Variants in MINAR1 observed in about 807,000 individuals in gnomAD.
MINAR1 encodes major intrinsically disordered Notch2-binding receptor 1.
Under a neutral mutation model 65.1 loss-of-function variants are expected in MINAR1, and 40 were observed. The observed-to-expected ratio is 0.61, with a 90% confidence interval of 0.48 to 0.80. The LOEUF (loss-of-function observed/expected upper bound fraction) is 0.80, where lower values mean the gene tolerates loss of function less well. MINAR1 is among the 30% of genes least tolerant of loss of function. The pLI is 0.00. For missense variants in MINAR1, 1,128 were observed against 1,148.0 expected (o/e 0.98, Z 0.25); for synonymous variants, 482 against 449.1 (o/e 1.07, Z -0.93).
At chr15:79,454,406 G>A (rs138473395) in intron 1 of MINAR1, among the ~76,000 whole-genome samples, 296 of 152,260 alleles carry the variant, frequency 1.9e-3, no homozygotes, top group Admixed American at 3.9e-3. Flanking sequence ...TTAGAAAATG[G>A]GTTGGGTACA....
intron 1 of MINAR1, among the ~76,000 whole-genome samples, chr15:79,451,636 GCTC>G (rs147809238): frequency 0.27 from 41,421 of 151,994 alleles, 6,306 homozygotes; most frequent in East Asian, 0.56. Flanking sequence ...CTGCTCACCG[GCTC>G]CTCCTCCTGC....
chr15:79,416,810 C>G, the MINAR1 span: 1 of 152,114 alleles, frequency 6.6e-6, no homozygotes, highest in Non-Finnish European at 1.5e-5. Flanking sequence ...GCAAGAATAC[C>G]CAGTCTCTAG....
rs149134985 is a variant in MINAR1, at chr15:79,453,037, C to G, written c.-50-3061C>G. Among the ~76,000 whole-genome samples the G allele has an allele frequency of 2.6e-3, 375 of 144,884 alleles. 1 individual carries two copies. The highest frequency in any genetic ancestry group is 8.8e-3 in the African/African-American group (359 of 40,824). ...CAGTTTGCTCAGCCCCCAGAGATTCCAGGCGGCTATTTCTGCCTTGCTCTG... is the reference window on the plus strand; with the variant it reads ...CAGTTTGCTCAGCCCCCAGAGATTCGAGGCGGCTATTTCTGCCTTGCTCTG... On this transcript the variant is annotated intron_variant, in intron 1 of 3. Transcript: ENST00000305428.
chr15:79,468,728 G>A lies in MINAR1; in HGVS notation c.*344G>A. 1 of 290,528 alleles carries A rather than the reference G, an allele frequency of 3.4e-6. No homozygotes were observed. The highest frequency in any genetic ancestry group is 6.5e-6 in the Non-Finnish European group (1 of 153,094). The allele number at this position is 290,528 out of a possible 1,614,324, so 18.0% of individuals were successfully genotyped here. On this transcript the variant is annotated 3_prime_UTR_variant, in exon 4 of 4. Transcript: ENST00000305428. Reference sequence around the variant, plus strand: ...CCATTTTGATGATGTTTCATGGTGGGGAATAAGTTATACAGAAGATATTTA... The same window carrying A: ...CCATTTTGATGATGTTTCATGGTGGAGAATAAGTTATACAGAAGATATTTA...
chr15:79,429,568 A>G (rs1027515073), upstream of MINAR1, among the ~76,000 whole-genome samples: 23 of 152,334 alleles, frequency 1.5e-4, no homozygotes, highest in African/African-American at 5.1e-4. Flanking sequence ...TGCTTATTCT[A>G]TTCTTGTCTT....
chr15:79,457,858 G>T lies in MINAR1; in HGVS notation c.1711G>T (p.Val571Phe), dbSNP rs1235011342. 7 of 1,614,090 alleles carry T rather than the reference G, an allele frequency of 4.3e-6. No homozygotes were observed. The highest frequency in any genetic ancestry group is 1.6e-4 in the Middle Eastern group (1 of 6,062). ...EHNLTKIANG[V>F]PNSKGDKGNR... ...CAACTTAACCAAAATTGCCAATGGGGTCCCCAACAGCAAGGGAGACAAGGG... is the reference window on the plus strand; with the variant it reads ...CAACTTAACCAAAATTGCCAATGGGTTCCCCAACAGCAAGGGAGACAAGGG... The change falls in exon 2 of 4, where the codon GTC (valine) becomes TTC (phenylalanine). Residue 571 changes from valine to phenylalanine, a missense_variant. Transcript: ENST00000305428.
intron 1 of MINAR1, among the ~76,000 whole-genome samples, chr15:79,445,807 C>A (rs1895000068): frequency 6.6e-6 from 1 of 152,198 alleles, no homozygotes; most frequent in African/African-American, 2.4e-5. Flanking sequence ...CTTGGCCTCC[C>A]AAAGTGCTGG....
intron 2 of MINAR1, among the ~76,000 whole-genome samples, chr15:79,462,024 ATTC>A (rs900680340): frequency 7.9e-5 from 12 of 152,128 alleles, no homozygotes; most frequent in South Asian, 2.1e-4. Flanking sequence ...TTTGACTCAC[ATTC>A]TTCTTTTTTC....
intron 3 of MINAR1, among the ~76,000 whole-genome samples, chr15:79,465,816 C>T (rs1223621588): frequency 6.6e-6 from 1 of 151,900 alleles, no homozygotes; most frequent in Non-Finnish European, 1.5e-5. Context: ...GCCTCAGCCA[C>T]TTCTGCAGAC....
chr15:79,465,619 G>A (rs1176597729), intron 3 of MINAR1, among the ~76,000 whole-genome samples: 1 of 152,132 alleles, frequency 6.6e-6, no homozygotes. Context: ...CCTTCTGTCT[G>A]AGCCGGAGGG....
intron 2 of MINAR1, among the ~76,000 whole-genome samples, chr15:79,460,771 A>G (rs1040795748): frequency 5.9e-5 from 9 of 152,194 alleles, no homozygotes; most frequent in Non-Finnish European, 1.0e-4. Context: ...AACCCTGTGA[A>G]TGTACCTTTC....
At chr15:79,459,722 G>GA (rs750067148) in intron 2 of MINAR1, among the ~76,000 whole-genome samples, 6 of 152,276 alleles carry the variant, frequency 3.9e-5, no homozygotes, top group Non-Finnish European at 5.9e-5. Context: ...CCAAAGAGGG[G>GA]AGGGAGTATT....
chr15:79,449,511 A>G lies in MINAR1; in HGVS notation c.-50-6587A>G, dbSNP rs12917195. 5.6e-3 allele frequency among the ~76,000 whole-genome samples: 851 copies of G among 152,008 alleles called. 2 individuals are homozygous for G. Among genetic ancestry groups the G allele is most frequent in the African/African-American group, 0.013 (545 of 41,388 alleles). On this transcript the variant is annotated intron_variant, in intron 1 of 3. Coordinates refer to ENST00000305428, the MANE Select transcript of MINAR1 (RefSeq NM_015206.3). ...GGCATTTTTGCTGCATCTTCACATA[A>G]CAAAAGGGCAAAAGGGCAAGCTAGC... is the stretch of plus-strand genomic sequence containing the variant.
chr15:79,461,936 G>A (rs989959756), intron 2 of MINAR1, among the ~76,000 whole-genome samples: 3 of 152,174 alleles, frequency 2.0e-5, no homozygotes, highest in Admixed American at 1.3e-4. Context: ...ACACATACAC[G>A]TGTGCCCACG....
rs1305591274 is a variant in MINAR1 at position 79,471,777 on chromosome 15, G to A, written c.*3393G>A. ...TGCCAACAATAAAAGATTTTGTTAA[G>A]TGGTATAAAAATTTGTGAATGTTGA... On this transcript the variant is annotated 3_prime_UTR_variant, in exon 4 of 4. Transcript: ENST00000305428. The A allele has an allele frequency of 6.6e-6, 1 of 151,824 alleles. No homozygotes were observed. The highest frequency in any genetic ancestry group is 1.5e-5 in the Non-Finnish European group (1 of 67,946). 9.4% of individuals were successfully genotyped at this position (151,824 alleles called of 1,614,324 possible).
At chr15:79,426,593 A>T in the MINAR1 span, 1,140 of 152,380 alleles carry the variant, frequency 7.5e-3, 10 homozygotes, top group African/African-American at 0.022. Context: ...AGGAGAGTAG[A>T]ATTCAGTGGA....
rs1245949819 is a variant in MINAR1 at position 79,470,017 on chromosome 15, A to G, written c.*1633A>G. On this transcript the variant is annotated 3_prime_UTR_variant, in exon 4 of 4. Coordinates refer to ENST00000305428, the MANE Select transcript of MINAR1 (RefSeq NM_015206.3). Reference sequence around the variant, plus strand: ...GGTAGACAGTTAATTTTATTATGTTAACAAGTGAGGGATGAATGTTTTCAT... The same window carrying G: ...GGTAGACAGTTAATTTTATTATGTTGACAAGTGAGGGATGAATGTTTTCAT... 6.6e-6 allele frequency: 1 copy of G among 152,602 alleles called. No individual in the cohort carries two copies. The highest frequency in any genetic ancestry group is 1.9e-4 in the East Asian group (1 of 5,202). The allele number at this position is 152,602 out of a possible 1,614,324, so 9.5% of individuals were successfully genotyped here.
chr15:79,424,710 C>T, the MINAR1 span: 6 of 152,126 alleles, frequency 3.9e-5, no homozygotes, highest in African/African-American at 1.4e-4. Flanking sequence ...GATTCATGCT[C>T]GGTAATTTTT....
chr15:79,436,421 A>G (rs1372793983), intron 1 of MINAR1, among the ~76,000 whole-genome samples: 2 of 152,200 alleles, frequency 1.3e-5, no homozygotes, highest in Non-Finnish European at 2.9e-5. Context: ...AGTCTTTTAG[A>G]GAAGGAACAT....
Sources: allele counts gnomAD v4.1 joint callset (sites outside exome capture counted in the v4.1 genomes callset), GRCh38; gene constraint gnomAD v4.1.1; transcripts MANE v1.5; gene names NCBI Gene and HGNC (gene_info 2026-07-23, HGNC 2026-07-21).